The following TAOK1 variants were observed in gnomAD, a reference collection of about 807,000 sequenced individuals.
TAOK1 encodes serine/threonine-protein kinase TAO1.
TAOK1 carries 21 observed loss-of-function variants against 138.3 expected under a neutral mutation model. The ratio of observed to expected loss-of-function variants is 0.15; its 90% CI spans 0.11 to 0.22. The LOEUF (loss-of-function observed/expected upper bound fraction) is 0.22, where lower values mean the gene tolerates loss of function less well. Among genes scored for constraint, TAOK1 ranks in the 10% least tolerant of loss-of-function variants. The probability of loss-of-function intolerance (pLI) is 1.00; values close to 1 mark genes in which losing one functional copy is unlikely to be tolerated. For synonymous variants in TAOK1, 361 were observed against 398.4 expected (o/e 0.91, Z 1.12); for missense variants, 651 against 1,227.7 (o/e 0.53, Z 7.02).
At chr17:29,535,840 G>T (rs2032211693) in intron 19 of TAOK1, among the ~76,000 whole-genome samples, 1 of 151,986 alleles carries the variant, frequency 6.6e-6, no homozygotes, top group South Asian at 2.1e-4. Flanking sequence ...GGGTTACAAA[G>T]CGAGACCCTG....
intron 2 of TAOK1, among the ~76,000 whole-genome samples, chr17:29,457,402 CTTTTTTTTT>C (rs769026325): frequency 1.3e-5 from 1 of 76,596 alleles, no homozygotes; most frequent in Non-Finnish European, 2.3e-5. Flanking sequence ...CACCCCAGGC[CTTTTTTTTT>C]TTTTTTTTTT....
intron 1 of TAOK1, among the ~76,000 whole-genome samples, chr17:29,435,524 G>A (rs1171662733): frequency 6.6e-6 from 1 of 152,156 alleles, no homozygotes; most frequent in Non-Finnish European, 1.5e-5. Flanking sequence ...ACACCTATGA[G>A]TTGGGTGATC....
intron 17 of TAOK1, among the ~76,000 whole-genome samples, chr17:29,528,112 C>T (rs1023334602): frequency 3.3e-5 from 5 of 152,046 alleles, no homozygotes; most frequent in African/African-American, 4.8e-5. Flanking sequence ...TGCAGTGGTG[C>T]AATCTTAGCT....
intron 16 of TAOK1, among the ~76,000 whole-genome samples, chr17:29,519,514 A>G (rs2031878812): frequency 9.7e-6 from 1 of 102,590 alleles, no homozygotes. Flanking sequence ...GCAAGTCTGC[A>G]TCTCAGAAAA....
At chr17:29,492,868 C>T (rs959520527) in intron 10 of TAOK1, among the ~76,000 whole-genome samples, 2 of 152,078 alleles carry the variant, frequency 1.3e-5, no homozygotes, top group Non-Finnish European at 2.9e-5. Flanking sequence ...AGGCTGGGCA[C>T]GGTGGCCCAC....
chr17:29,476,658 C>A (rs2030947976), intron 4 of TAOK1, among the ~76,000 whole-genome samples: 1 of 152,046 alleles, frequency 6.6e-6, no homozygotes, highest in South Asian at 2.1e-4. Flanking sequence ...GGACACCCAC[C>A]CCCAGGATAC....
At chr17:29,467,803 TTTTATTTATTTA>T (rs560669780) in intron 3 of TAOK1, among the ~76,000 whole-genome samples, 4 of 151,506 alleles carry the variant, frequency 2.6e-5, no homozygotes, top group Non-Finnish European at 5.9e-5. Context: ...CTGCTTTTAT[TTTTATTTATTTA>T]TTTATTTATT....
intron 10 of TAOK1, 78 bp downstream of exon 10, chr17:29,491,943 T>A: frequency 9.1e-7 from 1 of 1,098,542 alleles, no homozygotes; most frequent in Non-Finnish European, 1.3e-6. Flanking sequence ...GGAGTGGCAG[T>A]GGCACAATCA....
intron 3 of TAOK1, among the ~76,000 whole-genome samples, chr17:29,472,444 G>C (rs1441694380): frequency 1.3e-5 from 2 of 151,968 alleles, no homozygotes; most frequent in African/African-American, 2.4e-5. Flanking sequence ...GTAGAGACAG[G>C]GTTTTGCCAT....
chr17:29,489,581 T>TAA (rs769082859), intron 8 of TAOK1, 83 bp from the exon 9 acceptor site: 294 of 682,860 alleles, frequency 4.3e-4, no homozygotes, highest in Non-Finnish European at 5.5e-4. Context: ...TAAAATCATT[T>TAA]AAAAAAAAAA....
intron 2 of TAOK1, among the ~76,000 whole-genome samples, chr17:29,456,455 T>C (rs1339988988): frequency 6.6e-6 from 1 of 150,418 alleles, no homozygotes; most frequent in Non-Finnish European, 1.5e-5. Context: ...TCTTTACTTA[T>C]GATAGGTCTG....
At chr17:29,391,518 C>T (rs1436292411) in intron 1 of TAOK1, among the ~76,000 whole-genome samples, 4 of 152,208 alleles carry the variant, frequency 2.6e-5, no homozygotes, top group African/African-American at 7.2e-5. Context: ...CCTTCCCCAT[C>T]CTCTAGTCTA....
rs1476839834 is a variant in TAOK1 at position 29,390,462 on chromosome 17, G to A, written c.-657G>A. On this transcript the variant is annotated 5_prime_UTR_variant, in exon 1 of 20. Coordinates refer to ENST00000261716, the MANE Select transcript of TAOK1 (RefSeq NM_020791.4). ...CGCCGCCTGCCTGAGGAGAGAGGAG[G>A]GGTCCCGCTCGCCCTGCGCCCTTCG... 1 of 152,250 alleles carries A rather than the reference G, an allele frequency of 6.6e-6. No individual in the cohort carries two copies. The highest frequency in any genetic ancestry group is 1.5e-5 in the Non-Finnish European group (1 of 68,214). The allele number at this position is 152,250 out of a possible 1,614,324, so 9.4% of individuals were successfully genotyped here.
In TAOK1 at chr17:29,457,967, G is replaced by A. The variant is rs531322482; in HGVS notation, c.132+6287G>A. On this transcript the variant is annotated intron_variant, in intron 2 of 19. Coordinates refer to ENST00000261716, the MANE Select transcript of TAOK1 (RefSeq NM_020791.4). Reference sequence around the variant, plus strand: ...CTACTAAAAATACAAAAAATTAGCCGGGTGTGGTGGCGGACGCCTGTAGTC... The same window carrying A: ...CTACTAAAAATACAAAAAATTAGCCAGGTGTGGTGGCGGACGCCTGTAGTC... 6.6e-5 allele frequency among the ~76,000 whole-genome samples: 10 copies of A among 152,034 alleles called. No homozygotes were observed. In the South Asian group the frequency reaches 1.0e-3, roughly 16 times the overall value.
intron 8 of TAOK1, among the ~76,000 whole-genome samples, chr17:29,486,089 C>G (rs1203911780): frequency 6.6e-6 from 1 of 152,088 alleles, no homozygotes; most frequent in African/African-American, 2.4e-5. Flanking sequence ...AGTTGGAGAC[C>G]AGCCTGGGCA....
chr17:29,495,497 GAGA>G, intron 10 of TAOK1, 60 bp from the exon 11 acceptor site: 1 of 1,397,342 alleles, frequency 7.2e-7, no homozygotes, highest in South Asian at 1.7e-5. Context: ...TCTAGGGTCT[GAGA>G]AGGAGTACCT....
rs1465745388 is a variant in TAOK1, at chr17:29,551,669, TG to T, written c.*8649del. ...GGTATAAATGGTCCACAGCACTAAC[TG>T]GTAAGGCTTATTGTACAGTATATTG... On this transcript the variant is annotated 3_prime_UTR_variant, in exon 20 of 20. Coordinates refer to ENST00000261716, the MANE Select transcript of TAOK1 (RefSeq NM_020791.4). 6.6e-6 allele frequency: 1 copy of T among 152,660 alleles called. No homozygotes were observed. The highest frequency in any genetic ancestry group is 1.5e-5 in the Non-Finnish European group (1 of 68,040). 9.5% of individuals were successfully genotyped at this position (152,660 alleles called of 1,614,324 possible). A position where few individuals can be genotyped will look rare whatever the true frequency, so the allele number is the denominator to read the frequency against.
intron 8 of TAOK1, among the ~76,000 whole-genome samples, chr17:29,489,300 C>A (rs1365665263): frequency 1.3e-5 from 2 of 152,090 alleles, no homozygotes; most frequent in Non-Finnish European, 2.9e-5. Context: ...GAGTTCAAGA[C>A]CATCTTGGGC....
In TAOK1 at chr17:29,525,573, T is replaced by C. The variant is rs546867830; in HGVS notation, c.2148+3054T>C. Among the ~76,000 whole-genome samples the C allele has an allele frequency of 3.3e-5, 5 of 152,266 alleles. No homozygotes were observed. In the East Asian group the frequency reaches 7.7e-4, roughly 24 times the overall value. On this transcript the variant is annotated intron_variant, in intron 17 of 19. Coordinates refer to ENST00000261716, the MANE Select transcript of TAOK1 (RefSeq NM_020791.4). ...GCGCCCACCATCACGCCCTCGTGTT[T>C]TTAGTAGAGAAGGGTTTCACCATGT...
Sources: gnomAD v4.1 joint callset for allele counts (sites outside exome capture counted in the v4.1 genomes callset) on GRCh38, gnomAD v4.1.1 for gene constraint, MANE v1.5 for transcripts, NCBI Gene and HGNC (gene_info 2026-07-23, HGNC 2026-07-21) for gene names.